ANKRA2: variants seen among roughly 807,000 people sequenced by gnomAD.
ANKRA2 encodes the protein ankyrin repeat family A protein 2.
A neutral mutation model predicts 37.8 loss-of-function variants in ANKRA2; 33 were observed. That is an observed-to-expected ratio of 0.87 (90% CI 0.66 to 1.17). The LOEUF (loss-of-function observed/expected upper bound fraction) is 1.17, where lower values mean the gene tolerates loss of function less well. Among genes scored for constraint, ANKRA2 ranks in the 50% most tolerant of loss-of-function variants. ANKRA2 has a pLI of 0.00. For missense variants in ANKRA2, 326 were observed against 373.7 expected (o/e 0.87, Z 1.05); for synonymous variants, 126 against 132.3 (o/e 0.95, Z 0.33).
intron 4 of ANKRA2, 61 bp from the exon 5 acceptor site, chr5:73,555,646 T>C (rs1747380616): frequency 4.9e-6 from 7 of 1,443,264 alleles, no homozygotes; most frequent in Non-Finnish European, 6.7e-6. Flanking sequence ...AATATCACTA[T>C]GAAAAACTGG....
At chr5:73,563,895 A>T (rs1747626723) in intron 1 of ANKRA2, among the ~76,000 whole-genome samples, 1 of 152,188 alleles carries the variant, frequency 6.6e-6, no homozygotes, top group Non-Finnish European at 1.5e-5. Flanking sequence ...ACAATTTTAA[A>T]AACATTTTCA....
intron 1 of ANKRA2, 45 bp from the exon 2 acceptor site, chr5:73,563,030 G>A: frequency 3.0e-6 from 2 of 673,578 alleles, no homozygotes; most frequent in Non-Finnish European, 4.8e-6. Flanking sequence ...ATCAGCTTAG[G>A]TAAAAACACA....
intron 2 of ANKRA2, 110 bp from the exon 3 acceptor site, chr5:73,561,398 T>C: frequency 1.9e-6 from 2 of 1,028,582 alleles, no homozygotes; most frequent in Non-Finnish European, 2.8e-6. Context: ...AATTAAACTA[T>C]TTATCAAGTG....
At chr5:73,553,551 C>T (rs1747307764) in intron 7 of ANKRA2, 65 bp from the exon 8 acceptor site, 9 of 1,341,792 alleles carry the variant, frequency 6.7e-6, no homozygotes, top group Non-Finnish European at 9.6e-6. Flanking sequence ...CTGTTATTGG[C>T]TCATGTACAA....
intron 4 of ANKRA2, among the ~76,000 whole-genome samples, chr5:73,557,081 T>C (rs1459781955): frequency 8.3e-6 from 1 of 121,018 alleles, no homozygotes; most frequent in Non-Finnish European, 1.8e-5. Context: ...AAGTTTAAAC[T>C]TAAAACTTAA....
At position 73,554,396 on chromosome 5, in the gene ANKRA2, A is replaced by G. The variant is rs1747341580; in HGVS notation, c.739-8T>C. Reference sequence around the variant, plus strand: ...CAGAGGTGTTCCTCCATTCTGCAAAATGAAAAGGTGATTCAGAGTTTTTCA... The same window carrying G: ...CAGAGGTGTTCCTCCATTCTGCAAAGTGAAAAGGTGATTCAGAGTTTTTCA... On this transcript the variant is annotated splice_region_variant and splice_polypyrimidine_tract_variant and intron_variant, in intron 6 of 8. Transcript: ENST00000296785. 1 of 1,605,846 alleles carries G rather than the reference A, an allele frequency of 6.2e-7. No individual in the cohort carries two copies. Among genetic ancestry groups the G allele is most frequent in the East Asian group, 2.2e-5 (1 of 44,792 alleles).
Position 73,552,622 on chromosome 5 carries a change from TAA to T in ANKRA2, c.*173_*174del, listed in dbSNP as rs935408296. ...TTAAATATACAGTAAAACATAGTTA[TAA>T]AAAGAGTATTACATTTATTATAAAC... On this transcript the variant is annotated 3_prime_UTR_variant, in exon 9 of 9. Transcript: ENST00000296785. The T allele has an allele frequency of 4.9e-5, 27 of 551,414 alleles. No individual in the cohort carries two copies. Among genetic ancestry groups the T allele is most frequent in the African/African-American group, 1.2e-4 (6 of 50,384 alleles). 34.2% of individuals were successfully genotyped at this position (551,414 alleles called of 1,614,324 possible). A position where few individuals can be genotyped will look rare whatever the true frequency, so the allele number is the denominator to read the frequency against.
In ANKRA2 at chr5:73,554,259, G is replaced by C. The variant is rs950739406; in HGVS notation, c.805+63C>G. ...GATTCTCCTGAGTAGTACCAGGGGA[G>C]GCCAGGTCGAAAAAATAAAATCAAG... On this transcript the variant is annotated intron_variant, in intron 7 of 8. Transcript: ENST00000296785. 9.7e-6 allele frequency: 13 copies of C among 1,340,944 alleles called. No homozygotes were observed. In the Admixed American group the frequency reaches 2.1e-4, roughly 22 times the overall value. 83.1% of individuals were successfully genotyped at this position (1,340,944 alleles called of 1,614,324 possible).
Position 73,552,807 on chromosome 5 carries a change from A to C in ANKRA2, c.932T>G (p.Ile311Ser). The C allele has an allele frequency of 6.2e-7, 1 of 1,605,888 alleles. No individual in the cohort carries two copies. The highest frequency in any genetic ancestry group is 8.5e-7 in the Non-Finnish European group (1 of 1,173,712). Residue 311 changes from isoleucine to serine, a missense_variant, in exon 9 of 9, where the codon ATC becomes AGC. Coordinates refer to ENST00000296785, the MANE Select transcript of ANKRA2 (RefSeq NM_023039.5). ...ESHLLKLLQNIKE is the reference protein window; with the variant it reads ...ESHLLKLLQNSKE ...TTCTGATGACTGTGTCTACTCCTTG[A>C]TATTTTGAAGCAGCTTCAACAAATG...
chr5:73,557,467 T>G, intron 4 of ANKRA2, 108 bp downstream of exon 4: 1 of 560,282 alleles, frequency 1.8e-6, no homozygotes, highest in Non-Finnish European at 2.8e-6. Flanking sequence ...GGTGAGTTTA[T>G]GTAACTATTT....
At chr5:73,553,714 T>C (rs2112005353) in intron 7 of ANKRA2, among the ~76,000 whole-genome samples, 1 of 152,206 alleles carries the variant, frequency 6.6e-6, no homozygotes, top group East Asian at 1.9e-4. Context: ...TCATACACAA[T>C]TAAAGATAAA....
intron 4 of ANKRA2, among the ~76,000 whole-genome samples, chr5:73,557,102 T>TA (rs5868685): frequency 8.1e-5 from 12 of 148,374 alleles, no homozygotes; most frequent in South Asian, 2.1e-4. Flanking sequence ...GGGGGGCAGT[T>TA]AAAAAAAAAA....
At position 73,562,778 on chromosome 5, in the gene ANKRA2, G is replaced by A. The variant is rs757456446; in HGVS notation, c.104C>T (p.Pro35Leu). Residue 35 changes from proline (P) to leucine (L), a missense_variant, in exon 2 of 9, where the codon CCA becomes CTA. Physicochemically the swap from Pro to Leu is moderately conservative, Grantham distance 98. Around this residue, in one of 3 missense-constraint regions of ANKRA2, gnomAD observed 93 missense variants for 91.1 expected, o/e 1.02. Coordinates refer to ENST00000296785, the MANE Select transcript of ANKRA2 (RefSeq NM_023039.5). ...TGMPDIKIEH[P>L]LDPNSEEGSA... Reference sequence around the variant, plus strand: ...CCCTTCTTCTGAATTTGGGTCCAGTGGATGTTCTATTTTAATGTCTGGCAT... The same window carrying A: ...CCCTTCTTCTGAATTTGGGTCCAGTAGATGTTCTATTTTAATGTCTGGCAT... 6.8e-6 allele frequency: 11 copies of A among 1,614,162 alleles called. No homozygotes were observed. The South Asian group carries it at 1.2e-4, about 18-fold the overall frequency.
At chr5:73,555,982 C>G (rs147916030) in intron 4 of ANKRA2, among the ~76,000 whole-genome samples, 1 of 152,154 alleles carries the variant, frequency 6.6e-6, no homozygotes, top group African/African-American at 2.4e-5. Flanking sequence ...CTTACATCAA[C>G]GTACAGTTGG....
chr5:73,563,154 G>A (rs1747601932), intron 1 of ANKRA2, among the ~76,000 whole-genome samples, 169 bp from the exon 2 acceptor site: 1 of 152,148 alleles, frequency 6.6e-6, no homozygotes, highest in African/African-American at 2.4e-5. Flanking sequence ...TCCAAACTTT[G>A]CCATTAATTA....
At position 73,565,630 on chromosome 5, in the gene ANKRA2, C is replaced by T. The variant is rs2112159; in HGVS notation, c.-603G>A. Reference sequence around the variant, plus strand: ...AGTTGACGGTTCTGGGTCACCAGAGCAGAGGAAGCCCCAATTTCGCCCTCC... The same window carrying T: ...AGTTGACGGTTCTGGGTCACCAGAGTAGAGGAAGCCCCAATTTCGCCCTCC... On this transcript the variant is annotated 5_prime_UTR_variant, in exon 1 of 9. Coordinates refer to ENST00000296785, the MANE Select transcript of ANKRA2 (RefSeq NM_023039.5). The T allele has an allele frequency of 0.071, 28,527 of 400,406 alleles. 1,646 individuals carry two copies. The highest frequency in any genetic ancestry group is 0.2 in the African/African-American group (9,672 of 48,692). The allele number at this position is 400,406 out of a possible 1,614,324, so 24.8% of individuals were successfully genotyped here.
chr5:73,553,260 G>T (rs1483280770), intron 8 of ANKRA2, 146 bp downstream of exon 8: 2 of 606,922 alleles, frequency 3.3e-6, no homozygotes, highest in Non-Finnish European at 5.5e-6. Flanking sequence ...ATAGGAATTT[G>T]TGGACTTTTC....
chr5:73,557,722 ATTTTC>A, intron 3 of ANKRA2, 82 bp from the exon 4 acceptor site: 1 of 978,090 alleles, frequency 1.0e-6, no homozygotes, highest in Non-Finnish European at 1.5e-6. Context: ...TGTGTCACCA[ATTTTC>A]TTTTCCAAAA....
At chr5:73,560,771 T>C (rs2112019716) in intron 3 of ANKRA2, among the ~76,000 whole-genome samples, 1 of 152,316 alleles carries the variant, frequency 6.6e-6, no homozygotes, top group South Asian at 2.1e-4. Context: ...TTTGTATCCT[T>C]TGATCAGTAT....
Sources: allele counts gnomAD v4.1 joint callset (sites outside exome capture counted in the v4.1 genomes callset), GRCh38; gene constraint gnomAD v4.1.1; regional missense constraint gnomAD v4.1.1; transcripts MANE v1.5; gene names NCBI Gene and HGNC (gene_info 2026-07-23, HGNC 2026-07-21).